The following EYS variants were observed in gnomAD, a reference collection of about 807,000 sequenced individuals.
EYS encodes the protein EGF-like photoreceptor maintenance factor.
A neutral mutation model predicts 282.1 loss-of-function variants in EYS; 250 were observed. The observed-to-expected ratio is 0.89, with a 90% CI of 0.80 to 0.98. The LOEUF is 0.98. Among genes scored for constraint, EYS ranks in the 50% least tolerant of loss-of-function variants. The pLI is 0.00. For synonymous variants in EYS, 1,355 were observed against 1,282.9 expected (o/e 1.06, Z -1.20); for missense variants, 4,016 against 3,709.0 (o/e 1.08, Z -2.15).
intron 22 of EYS, among the ~76,000 whole-genome samples, chr6:64,781,157 A>G (rs1773845075): frequency 6.6e-6 from 1 of 152,166 alleles, no homozygotes; most frequent in South Asian, 2.1e-4. Context: ...TGGCAAATAA[A>G]AATAGAGGAT....
At chr6:63,785,774 C>T (rs1002500725) in intron 39 of EYS, among the ~76,000 whole-genome samples, 1 of 151,940 alleles carries the variant, frequency 6.6e-6, no homozygotes, top group African/African-American at 2.4e-5. Flanking sequence ...TTTGGGAGGC[C>T]GAGGCAGGCG....
At chr6:64,519,461 G>A (rs1418601930) in intron 26 of EYS, among the ~76,000 whole-genome samples, 1 of 151,722 alleles carries the variant, frequency 6.6e-6, no homozygotes, top group Non-Finnish European at 1.5e-5. Context: ...CATTTTCCTC[G>A]GTAAAGAGAT....
chr6:64,628,655 C>T (rs775975760), intron 22 of EYS, among the ~76,000 whole-genome samples: 4 of 152,156 alleles, frequency 2.6e-5, no homozygotes, highest in Non-Finnish European at 5.9e-5. Flanking sequence ...TGCCCAGTCA[C>T]ATTATCAATT....
chr6:64,974,180 C>T (rs761131461), intron 14 of EYS, among the ~76,000 whole-genome samples: 17 of 151,676 alleles, frequency 1.1e-4, no homozygotes, highest in Admixed American at 4.0e-4. Flanking sequence ...ATTCAAAAAT[C>T]GTATGTACAG....
chr6:64,531,196 CTT>C (rs543774891), intron 26 of EYS, among the ~76,000 whole-genome samples: 50 of 152,186 alleles, frequency 3.3e-4, no homozygotes, highest in African/African-American at 1.2e-3. Context: ...AAAAATGTAA[CTT>C]AGGATACAGA....
intron 22 of EYS, among the ~76,000 whole-genome samples, chr6:64,648,870 T>C (rs563445613): frequency 7.2e-5 from 11 of 152,320 alleles, no homozygotes; most frequent in African/African-American, 2.4e-4. Context: ...TGGAGTTTAA[T>C]ATCTTAATTG....
intron 10 of EYS, among the ~76,000 whole-genome samples, chr6:65,335,668 T>C (rs1769961525): frequency 6.6e-6 from 1 of 151,724 alleles, no homozygotes; most frequent in Non-Finnish European, 1.5e-5. Flanking sequence ...GAACATGTGC[T>C]TGCCTGTCCC....
chr6:65,393,348 G>C (rs1240821326), intron 7 of EYS, among the ~76,000 whole-genome samples: 2 of 151,936 alleles, frequency 1.3e-5, no homozygotes, highest in African/African-American at 4.8e-5. Context: ...TTATAAATGT[G>C]ACTATTGATT....
chr6:65,198,533 C>G (rs12202572), intron 12 of EYS, among the ~76,000 whole-genome samples: 6,471 of 151,904 alleles, frequency 0.043, 189 homozygotes, highest in Middle Eastern at 0.065. Context: ...CACAAACACA[C>G]GAATAATGCA....
At chr6:65,369,317 T>TATATATATATATTTATATATATATA (rs1582197773) in intron 8 of EYS, among the ~76,000 whole-genome samples, 18 of 33,322 alleles carry the variant, frequency 5.4e-4, no homozygotes, top group East Asian at 4.4e-3. Context: ...ATATATATAT[T>TATATATATATATTTATATATATATA]ATATATATAT....
At chr6:65,460,084 C>A (rs1453199525) in intron 5 of EYS, among the ~76,000 whole-genome samples, 1 of 145,464 alleles carries the variant, frequency 6.9e-6, no homozygotes, top group Non-Finnish European at 1.5e-5. Context: ...TACACACACA[C>A]ACACACACAC....
chr6:64,033,676 T>A (rs1769971404), intron 33 of EYS, among the ~76,000 whole-genome samples: 1 of 119,218 alleles, frequency 8.4e-6, no homozygotes, highest in Admixed American at 7.4e-5. Context: ...TATATTCAGA[T>A]CAGATAGGTT....
At chr6:65,584,750 T>A (rs1562272494) in intron 2 of EYS, among the ~76,000 whole-genome samples, 1 of 151,782 alleles carries the variant, frequency 6.6e-6, no homozygotes, top group African/African-American at 2.4e-5. Flanking sequence ...ATGAATATTA[T>A]GGATGATATA....
chr6:64,516,722 A>G (rs908098145), intron 26 of EYS, among the ~76,000 whole-genome samples: 1 of 151,928 alleles, frequency 6.6e-6, no homozygotes, highest in Admixed American at 6.6e-5. Context: ...TACTTGGTTA[A>G]ATGGAATTAA....
chr6:65,020,788 C>A (rs1772229479), intron 13 of EYS, among the ~76,000 whole-genome samples: 1 of 152,190 alleles, frequency 6.6e-6, no homozygotes, highest in Admixed American at 6.5e-5. Context: ...TGTTTCCATA[C>A]ATCCTCTGAA....
intron 12 of EYS, among the ~76,000 whole-genome samples, chr6:65,106,065 A>G (rs1775026826): frequency 6.6e-6 from 1 of 151,978 alleles, no homozygotes; most frequent in Admixed American, 6.6e-5. Flanking sequence ...CTGAAAAATC[A>G]TGAAAATGGG....
chr6:64,596,884 C>T (rs1029677419), intron 24 of EYS, among the ~76,000 whole-genome samples: 3 of 152,116 alleles, frequency 2.0e-5, no homozygotes, highest in Non-Finnish European at 4.4e-5. Flanking sequence ...TAAGGAGCTT[C>T]TGCATAGAAA....
chr6:65,616,597 C>A lies in EYS; in HGVS notation c.-333+23181G>T, dbSNP rs752577175. Among the ~76,000 whole-genome samples, 9 of 152,016 alleles carry A rather than the reference C, an allele frequency of 5.9e-5. 1 individual carries two copies. The highest frequency in any genetic ancestry group is 2.9e-5 in the Non-Finnish European group (2 of 68,010). The stretch of plus-strand genomic sequence containing the variant: ...GGTCAAGAGATTGAGACCATCCTGG[C>A]CAAAATGGTGAAACCCCGTGTCTAC... On this transcript the variant is annotated intron_variant, in intron 2 of 42. Transcript: ENST00000503581.
At chr6:64,131,378 C>A (rs1352324149) in intron 31 of EYS, among the ~76,000 whole-genome samples, 1 of 151,946 alleles carries the variant, frequency 6.6e-6, no homozygotes, top group Non-Finnish European at 1.5e-5. Context: ...CAAAGAAAAG[C>A]AATGTTGCTT....
Sources: allele counts gnomAD v4.1 joint callset (sites outside exome capture counted in the v4.1 genomes callset), GRCh38; gene constraint gnomAD v4.1.1; transcripts MANE v1.5; gene names NCBI Gene and HGNC (gene_info 2026-07-23, HGNC 2026-07-21).